KIFC3: variants seen among roughly 807,000 people sequenced by gnomAD.
KIFC3 encodes the protein kinesin family member C3, also known as kinesin-like protein KIFC3.
Under a neutral mutation model 101.8 loss-of-function variants are expected in KIFC3, and 60 were observed. The ratio of observed to expected loss-of-function variants is 0.59; its 90% CI spans 0.48 to 0.73. The LOEUF is 0.73. Among genes scored for constraint, KIFC3 ranks in the 30% least tolerant of loss-of-function variants. The pLI is 0.00. For missense variants in KIFC3, 966 were observed against 1,137.1 expected (o/e 0.85, Z 2.16); for synonymous variants, 476 against 482.7 (o/e 0.99, Z 0.18).
At chr16:57,816,326 T>G in intron 1 of KIFC3, 1 of 1,148,376 alleles carries the variant, frequency 8.7e-7, no homozygotes, top group Non-Finnish European at 1.2e-6. Flanking sequence ...TGTCTTCCCG[T>G]GTGTCTTCAG....
chr16:57,789,719 C>CTTTGTTTTGTTTTGT (rs578030285), intron 3 of KIFC3, among the ~76,000 whole-genome samples: 2 of 150,438 alleles, frequency 1.3e-5, no homozygotes, highest in African/African-American at 4.9e-5. Context: ...GACTGTGTTT[C>CTTTGTTTTGTTTTGT]TTTGTTTTGT....
chr16:57,815,858 C>T (rs1282011824), intron 1 of KIFC3, among the ~76,000 whole-genome samples: 4 of 152,218 alleles, frequency 2.6e-5, no homozygotes, highest in African/African-American at 9.7e-5. Flanking sequence ...ACCTCAGGCA[C>T]ACATGCAGTG....
chr16:57,850,163 A>G (rs1432268130), intron 1 of KIFC3, among the ~76,000 whole-genome samples: 1 of 151,968 alleles, frequency 6.6e-6, no homozygotes, highest in Non-Finnish European at 1.5e-5. Flanking sequence ...ACCTTGAGAG[A>G]CTGAGGCGGG....
At chr16:57,830,192 A>G (rs1239331032) in intron 1 of KIFC3, among the ~76,000 whole-genome samples, 2 of 151,858 alleles carry the variant, frequency 1.3e-5, no homozygotes, top group Non-Finnish European at 2.9e-5. Context: ...TGACCTTGAA[A>G]AAGTGACCTT....
intron 1 of KIFC3, among the ~76,000 whole-genome samples, chr16:57,839,733 A>C (rs763517372): frequency 6.6e-5 from 10 of 152,006 alleles, no homozygotes; most frequent in South Asian, 4.2e-4. Flanking sequence ...ATTATTATTC[A>C]TTTCTTTACA....
intron 13 of KIFC3, 77 bp from the exon 14 acceptor site, chr16:57,761,613 A>AGGAATGTTCCCCCAACCC (rs1382080088): frequency 6.5e-7 from 1 of 1,539,598 alleles, no homozygotes; most frequent in Non-Finnish European, 8.8e-7. Context: ...CCCCCCAGCC[A>AGGAATGTTCCCCCAACCC]GGAATGTTCC....
chr16:57,815,611 C>T (rs1244043283), intron 1 of KIFC3: 14 of 1,289,826 alleles, frequency 1.1e-5, no homozygotes, highest in Admixed American at 2.3e-5. Flanking sequence ...CACATGGCTG[C>T]TGCACCTGAT....
At chr16:57,802,859 G>A (rs1435198644), upstream of KIFC3, 26 of 1,097,424 alleles carry the variant, frequency 2.4e-5, no homozygotes, top group Non-Finnish European at 3.3e-5. The surrounding 1 kb of genome is among the most constrained non-coding windows in gnomAD (Gnocchi z 5.0). Flanking sequence ...TCAAACCCGA[G>A]TGCAAAACTT....
At chr16:57,788,229 C>T (rs929422534) in intron 3 of KIFC3, among the ~76,000 whole-genome samples, 1 of 152,164 alleles carries the variant, frequency 6.6e-6, no homozygotes, top group Non-Finnish European at 1.5e-5. Flanking sequence ...CAGGTGGTGG[C>T]GTCTGTGAGG....
chr16:57,768,507 T>TCCCACACACACACACACACACA (rs1384372811), intron 9 of KIFC3, among the ~76,000 whole-genome samples: 3 of 12,572 alleles, frequency 2.4e-4, no homozygotes, highest in African/African-American at 1.0e-3. Flanking sequence ...TACCATATAT[T>TCCCACACACACACACACACACA]CTCACACACA....
At chr16:57,767,434 AG>A in intron 9 of KIFC3, among the ~76,000 whole-genome samples, 1 of 152,304 alleles carries the variant, frequency 6.6e-6, no homozygotes. Context: ...TACATTTCAC[AG>A]GTAGAAAAAA....
rs145468968 is a variant in KIFC3, at chr16:57,853,633, CTTAT to C, written c.108+9092_108+9095del. ...ATTTTAATTTTAGTTTTTAATTTTG[CTTAT>C]TTATTTATTTTTGAGACAAAGTCTC... On this transcript the variant is annotated intron_variant, in intron 1 of 2. Transcript: ENST00000563028. 4.0e-3 allele frequency among the ~76,000 whole-genome samples: 608 copies of C among 151,884 alleles called. 2 individuals carry two copies. The highest frequency in any genetic ancestry group is 0.014 in the African/African-American group (573 of 41,420).
intron 1 of KIFC3, among the ~76,000 whole-genome samples, chr16:57,801,694 C>T (rs192167312): frequency 2.6e-5 from 4 of 152,324 alleles, no homozygotes; most frequent in African/African-American, 9.6e-5. Context: ...GTAAATGGTA[C>T]TCCAGAATTT....
intron 10 of KIFC3, among the ~76,000 whole-genome samples, chr16:57,766,516 G>GAAT (rs2050505358): frequency 6.6e-6 from 1 of 152,326 alleles, no homozygotes; most frequent in East Asian, 1.9e-4. Context: ...TCCATGCAGT[G>GAAT]AATGGTGGAG....
chr16:57,818,289 T>C (rs2055275849), intron 1 of KIFC3, among the ~76,000 whole-genome samples: 1 of 152,198 alleles, frequency 6.6e-6, no homozygotes, highest in African/African-American at 2.4e-5. Flanking sequence ...TTGAGGGGCT[T>C]GGGAAACAGT....
intron 1 of KIFC3, among the ~76,000 whole-genome samples, chr16:57,812,632 T>G (rs922561268): frequency 6.6e-6 from 1 of 151,464 alleles, no homozygotes; most frequent in Non-Finnish European, 1.5e-5. Flanking sequence ...GTGGGGAGGG[T>G]GGCAAGAAAA....
intron 1 of KIFC3, among the ~76,000 whole-genome samples, chr16:57,821,557 C>T (rs538586001): frequency 6.6e-6 from 1 of 152,256 alleles, no homozygotes; most frequent in East Asian, 1.9e-4. Context: ...ATCCTCTGTG[C>T]CCATTTGCTG....
chr16:57,854,103 A>T (rs1311869169), intron 1 of KIFC3, among the ~76,000 whole-genome samples: 1 of 151,584 alleles, frequency 6.6e-6, no homozygotes, highest in African/African-American at 2.4e-5. Context: ...CATCACACCC[A>T]GCTAATTTTT....
intron 1 of KIFC3, chr16:57,830,456 C>T (rs1175606521): frequency 6.6e-6 from 1 of 151,914 alleles, no homozygotes; most frequent in African/African-American, 2.4e-5. Context: ...CCAGGCTGGT[C>T]TCGAACTCCG....
Sources: allele counts gnomAD v4.1 joint callset (sites outside exome capture counted in the v4.1 genomes callset), GRCh38; gene constraint gnomAD v4.1.1; non-coding constraint Gnocchi (gnomAD v3.1); transcripts MANE v1.5; gene names NCBI Gene and HGNC (gene_info 2026-07-23, HGNC 2026-07-21).